SVIL: variants seen among roughly 807,000 people sequenced by gnomAD.
SVIL encodes the protein supervillin, also known as archvillin.
SVIL carries 101 observed loss-of-function variants against 240.4 expected under a neutral mutation model. The observed-to-expected ratio is 0.42, with a 90% confidence interval of 0.36 to 0.50. The LOEUF is 0.50. Among genes scored for constraint, SVIL ranks in the 20% least tolerant of loss-of-function variants. The pLI is 0.01. For synonymous variants in SVIL, 999 were observed against 1,100.0 expected, an observed-to-expected ratio of 0.91 and a Z score of 1.82; for missense variants, 2,512 against 2,818.7, an observed-to-expected ratio of 0.89 and a Z score of 2.46.
At chr10:29,648,533 C>T (rs1295402045) in intron 3 of SVIL, among the ~76,000 whole-genome samples, 2 of 152,216 alleles carry the variant, frequency 1.3e-5, no homozygotes, top group Admixed American at 6.5e-5. Context: ...CCTTGCCCGA[C>T]CCTCATCATG....
At chr10:29,516,212 C>A (rs1376320183) in intron 16 of SVIL, among the ~76,000 whole-genome samples, 3 of 152,118 alleles carry the variant, frequency 2.0e-5, no homozygotes, top group African/African-American at 7.2e-5. Flanking sequence ...ATTCCAAAAC[C>A]CTGAAATTTT....
intron 1 of SVIL, among the ~76,000 whole-genome samples, chr10:29,717,774 T>G (rs1307944485): frequency 5.3e-5 from 8 of 152,190 alleles, no homozygotes; most frequent in Non-Finnish European, 1.0e-4. Flanking sequence ...TGATGCTGAG[T>G]TCAGTTGCTG....
intron 16 of SVIL, among the ~76,000 whole-genome samples, chr10:29,519,031 A>C (rs761667509): frequency 6.6e-6 from 1 of 152,232 alleles, no homozygotes; most frequent in Non-Finnish European, 1.5e-5. Flanking sequence ...TAGTGGGGAC[A>C]GGCATTTATA....
At chr10:29,477,052 A>G (rs991832650) in intron 29 of SVIL, among the ~76,000 whole-genome samples, 5 of 151,952 alleles carry the variant, frequency 3.3e-5, no homozygotes, top group Admixed American at 6.6e-5. Flanking sequence ...TAGTAGAGAC[A>G]GGGGGTTTCA....
intron 17 of SVIL, among the ~76,000 whole-genome samples, chr10:29,504,127 T>A (rs1246469893): frequency 6.6e-6 from 1 of 152,150 alleles, no homozygotes; most frequent in Non-Finnish European, 1.5e-5. Context: ...GATGCTGGAA[T>A]AAGTGGACAC....
At chr10:29,481,133 G>GGGGTGT (rs573984701) in intron 28 of SVIL, among the ~76,000 whole-genome samples, 2 of 141,324 alleles carry the variant, frequency 1.4e-5, no homozygotes, top group Non-Finnish European at 3.1e-5. Flanking sequence ...TAGCTTTAAG[G>GGGGTGT]GTGTGTGTGT....
intron 2 of SVIL, among the ~76,000 whole-genome samples, chr10:29,661,220 G>T (rs1435051182): frequency 6.6e-6 from 1 of 151,518 alleles, no homozygotes; most frequent in South Asian, 2.1e-4. Context: ...TAGAAATCTG[G>T]TTTGCTTAAA....
chr10:29,674,518 A>C (rs1000808849), intron 2 of SVIL, among the ~76,000 whole-genome samples: 7 of 152,178 alleles, frequency 4.6e-5, no homozygotes, highest in Admixed American at 2.0e-4. Context: ...TGTTGACAAG[A>C]ATCTTCTTGG....
chr10:29,638,515 C>T (rs1252199138), upstream of SVIL, among the ~76,000 whole-genome samples: 1 of 151,824 alleles, frequency 6.6e-6, no homozygotes, highest in African/African-American at 2.4e-5. Flanking sequence ...AAAAAGCATC[C>T]CAACCCCAAA....
intron 6 of SVIL, among the ~76,000 whole-genome samples, chr10:29,538,077 C>T (rs533916044): frequency 1.3e-5 from 2 of 152,282 alleles, no homozygotes; most frequent in East Asian, 3.9e-4. Flanking sequence ...GGCCAGCAGA[C>T]GCCTGCTGTT....
At chr10:29,667,314 G>T (rs1339893966) in intron 2 of SVIL, among the ~76,000 whole-genome samples, 1 of 152,082 alleles carries the variant, frequency 6.6e-6, no homozygotes, top group African/African-American at 2.4e-5. Flanking sequence ...AAAAGGAACT[G>T]CTATTGACAC....
chr10:29,735,655 C>T lies in SVIL; in HGVS notation c.-400+96G>A, dbSNP rs1891668. ...CAGCCAGAGCGAGACTGACCCGCGCCTCCCGCCCCGGAGCAGAGCGCAGCG... is the reference window on the plus strand; with the variant it reads ...CAGCCAGAGCGAGACTGACCCGCGCTTCCCGCCCCGGAGCAGAGCGCAGCG... On this transcript the variant is annotated intron_variant, in intron 1 of 35. Coordinates refer to the SVIL transcript ENST00000375400. The surrounding 1 kb of genome is among the most constrained non-coding windows in gnomAD (Gnocchi z 4.1). 31,185 of 151,568 alleles carry T rather than the reference C, an allele frequency of 0.21. 3,436 individuals are homozygous for T. Among genetic ancestry groups the T allele is most frequent in the Admixed American group, 0.27 (4,159 of 15,250 alleles). The allele number at this position is 151,568 out of a possible 1,614,324, so 9.4% of individuals were successfully genotyped here.
At chr10:29,698,671 T>C (rs1345329604) in intron 1 of SVIL, among the ~76,000 whole-genome samples, 1 of 131,846 alleles carries the variant, frequency 7.6e-6, no homozygotes, top group African/African-American at 2.8e-5. Context: ...AAAAATAAAA[T>C]AAAATAAAAC....
chr10:29,594,563 T>C (rs1013079358), intron 1 of SVIL, among the ~76,000 whole-genome samples: 1 of 150,642 alleles, frequency 6.6e-6, no homozygotes, highest in African/African-American at 2.4e-5. Flanking sequence ...TTTTTTCTTT[T>C]TTTTTTTTTT....
Position 29,471,138 on chromosome 10 carries a change from T to G in SVIL, c.5635A>C (p.Ser1879Arg). The change falls in exon 31 of 38, where the codon AGT becomes CGT. Residue 1879 changes from serine (S) to arginine (R), a missense_variant and splice_region_variant. Ser to Arg is a moderately radical substitution (Grantham distance 110, BLOSUM62 -1). This residue lies in a region of SVIL where 797 missense variants were observed against 925.3 expected (regional missense o/e 0.86). Coordinates refer to ENST00000355867, the MANE Select transcript of SVIL (RefSeq NM_021738.3). ...AATTCCAGCAGTAAAAGTGACTTAC[T>G]TTGCACATTTTCTTCTTCCTCTTCC... ...RREEEEENVQ[S>R]EWRLYCVRGE... The G allele has an allele frequency of 6.2e-7, 1 of 1,612,990 alleles. No individual in the cohort carries two copies. Among genetic ancestry groups the G allele is most frequent in the Admixed American group, 1.7e-5 (1 of 59,932 alleles).
intron 1 of SVIL, among the ~76,000 whole-genome samples, chr10:29,720,033 C>T (rs1963879384): frequency 6.6e-6 from 1 of 151,988 alleles, no homozygotes; most frequent in South Asian, 2.1e-4. Context: ...TTGCTTAAAA[C>T]CAGGAACAAA....
intron 17 of SVIL, among the ~76,000 whole-genome samples, 197 bp from the exon 18 acceptor site, chr10:29,499,460 G>A (rs559518227): frequency 2.6e-5 from 4 of 152,320 alleles, no homozygotes; most frequent in Admixed American, 6.5e-5. Context: ...CACCATTGGC[G>A]ATGCTGTAAC....
chr10:29,671,954 GCTATCA>G, intron 2 of SVIL, among the ~76,000 whole-genome samples: 1 of 152,174 alleles, frequency 6.6e-6, no homozygotes, highest in Middle Eastern at 3.2e-3. Context: ...AATCCAGCCT[GCTATCA>G]TTTCTCTGTG....
intron 7 of SVIL, among the ~76,000 whole-genome samples, chr10:29,534,725 T>C (rs974258550): frequency 2.0e-5 from 3 of 152,232 alleles, no homozygotes; most frequent in Non-Finnish European, 2.9e-5. Flanking sequence ...GCAACTCACC[T>C]GCCCTTAGTA....
Sources: gnomAD v4.1 joint callset for allele counts (sites outside exome capture counted in the v4.1 genomes callset) on GRCh38, gnomAD v4.1.1 for gene constraint, gnomAD v4.1.1 regional missense constraint, Gnocchi (gnomAD v3.1) non-coding constraint, MANE v1.5 for transcripts, NCBI Gene and HGNC (gene_info 2026-07-23, HGNC 2026-07-21) for gene names.